KCNQ5: variants seen among roughly 807,000 people sequenced by gnomAD.
KCNQ5 encodes potassium voltage-gated channel subfamily Q member 5.
Under a neutral mutation model 98.2 loss-of-function variants are expected in KCNQ5, and 30 were observed. The ratio of observed to expected loss-of-function variants is 0.31; its 90% confidence interval spans 0.23 to 0.41. KCNQ5 has a LOEUF of 0.41. Ranked by LOEUF, KCNQ5 falls within the 10% of genes least tolerant of loss-of-function variation. The pLI is 1.00. For missense variants in KCNQ5, 835 were observed against 1,182.5 expected (o/e 0.71, Z 4.31); for synonymous variants, 458 against 449.4 (o/e 1.02, Z -0.24).
chr6:72,758,829 G>C (rs1339112985), intron 1 of KCNQ5, among the ~76,000 whole-genome samples: 2 of 152,108 alleles, frequency 1.3e-5, no homozygotes, highest in Non-Finnish European at 2.9e-5. Flanking sequence ...TTATGTGTCT[G>C]TAAGAAAGAG....
intron 1 of KCNQ5, among the ~76,000 whole-genome samples, chr6:72,782,123 T>C (rs1051360229): frequency 1.3e-5 from 2 of 152,208 alleles, no homozygotes; most frequent in African/African-American, 4.8e-5. Context: ...TCACAAATGC[T>C]CCTGGGATTG....
At chr6:72,702,749 T>C (rs114011632) in intron 1 of KCNQ5, among the ~76,000 whole-genome samples, 1,755 of 152,284 alleles carry the variant, frequency 0.012, 24 homozygotes, top group African/African-American at 0.036. Flanking sequence ...TTGCAATTGA[T>C]TTAAAAAAAT....
intron 1 of KCNQ5, among the ~76,000 whole-genome samples, chr6:72,955,259 A>G (rs868641397): frequency 2.6e-5 from 4 of 152,316 alleles, no homozygotes; most frequent in African/African-American, 9.6e-5. Context: ...AATAACCATG[A>G]AATTTAAATT....
At chr6:73,187,757 G>A (rs1279260653) in intron 11 of KCNQ5, among the ~76,000 whole-genome samples, 1 of 152,174 alleles carries the variant, frequency 6.6e-6, no homozygotes, top group Non-Finnish European at 1.5e-5. Flanking sequence ...AATTATGTAA[G>A]TAAAAATGAA....
chr6:73,036,353 T>C (rs1337688078), intron 2 of KCNQ5, among the ~76,000 whole-genome samples: 2 of 128,326 alleles, frequency 1.6e-5, no homozygotes, highest in African/African-American at 6.3e-5. Context: ...ACCACTGCAC[T>C]CCATTCTGGG....
chr6:72,861,866 A>G (rs1777777686), intron 1 of KCNQ5, among the ~76,000 whole-genome samples: 1 of 150,834 alleles, frequency 6.6e-6, no homozygotes, highest in Non-Finnish European at 1.5e-5. Context: ...GCTGTCAAGT[A>G]TAAAAACTCC....
At chr6:72,793,244 T>G (rs1215497610) in intron 1 of KCNQ5, among the ~76,000 whole-genome samples, 52 of 152,244 alleles carry the variant, frequency 3.4e-4, no homozygotes, top group Non-Finnish European at 2.8e-4. Context: ...TTTGCAGAAA[T>G]GCAGCTACCA....
chr6:72,627,081 C>G (rs1177301660), intron 1 of KCNQ5, among the ~76,000 whole-genome samples: 1 of 152,156 alleles, frequency 6.6e-6, no homozygotes, highest in Non-Finnish European at 1.5e-5. Flanking sequence ...AAGGCACAGT[C>G]TATTTCCAAC....
chr6:73,037,577 T>C, intron 2 of KCNQ5, among the ~76,000 whole-genome samples: 1 of 152,180 alleles, frequency 6.6e-6, no homozygotes, highest in Non-Finnish European at 1.5e-5. Context: ...TTTTTGCCTA[T>C]AGATGTCCAA....
chr6:72,689,968 A>G (rs1247188748), intron 1 of KCNQ5, among the ~76,000 whole-genome samples: 1 of 152,132 alleles, frequency 6.6e-6, no homozygotes, highest in African/African-American at 2.4e-5. Flanking sequence ...ATTTAGCTAG[A>G]GTGGCTTACA....
intron 1 of KCNQ5, among the ~76,000 whole-genome samples, chr6:72,974,714 C>G (rs1207873383): frequency 6.6e-6 from 1 of 151,932 alleles, no homozygotes; most frequent in East Asian, 1.9e-4. Flanking sequence ...AAAATTTAGG[C>G]CAAACTATCT....
intron 10 of KCNQ5, among the ~76,000 whole-genome samples, chr6:73,159,482 T>A (rs1777525244): frequency 6.6e-6 from 1 of 152,142 alleles, no homozygotes. Flanking sequence ...AACTTAAAAG[T>A]TTAAAAATCA....
chr6:72,949,565 T>C (rs899522853), intron 1 of KCNQ5, among the ~76,000 whole-genome samples: 6 of 152,210 alleles, frequency 3.9e-5, no homozygotes, highest in Non-Finnish European at 8.8e-5. Flanking sequence ...TAGAGAAAAT[T>C]TTTAACTACG....
At chr6:72,970,523 G>C (rs1028767477) in intron 1 of KCNQ5, among the ~76,000 whole-genome samples, 8 of 152,132 alleles carry the variant, frequency 5.3e-5, no homozygotes, top group Non-Finnish European at 1.0e-4. Flanking sequence ...ATTACCAGTT[G>C]AGAAGAATTT....
At chr6:72,733,939 C>G (rs1770687951) in intron 1 of KCNQ5, among the ~76,000 whole-genome samples, 1 of 152,146 alleles carries the variant, frequency 6.6e-6, no homozygotes, top group Non-Finnish European at 1.5e-5. Flanking sequence ...TATAAGGTAG[C>G]TGAGAACAGT....
intron 1 of KCNQ5, among the ~76,000 whole-genome samples, chr6:72,669,299 A>G (rs1045275632): frequency 6.6e-6 from 1 of 152,186 alleles, no homozygotes; most frequent in Non-Finnish European, 1.5e-5. Flanking sequence ...CACAAAAGGG[A>G]AAAATCGGAA....
In KCNQ5 at chr6:72,857,789, C is replaced by G. The variant is rs142602547; in HGVS notation, c.399-146119C>G. On this transcript the variant is annotated intron_variant, in intron 1 of 13. Coordinates refer to ENST00000370398, the MANE Select transcript of KCNQ5 (RefSeq NM_019842.4). ...ATTTACTGATAGCTCAATACGTATG[C>G]AAGAGAGGAGACACAAGTGCATGGC... Among the ~76,000 whole-genome samples the G allele has an allele frequency of 3.9e-5, 6 of 152,254 alleles. No homozygotes were observed. The East Asian group carries it at 1.2e-3, about 29-fold the overall frequency.
At chr6:73,074,235 A>G (rs963042953) in intron 3 of KCNQ5, among the ~76,000 whole-genome samples, 17 of 152,234 alleles carry the variant, frequency 1.1e-4, no homozygotes, top group Non-Finnish European at 5.9e-5. Flanking sequence ...ATACATAAAT[A>G]GAAGTAAAAA....
At chr6:72,905,288 T>G (rs1166185221) in intron 1 of KCNQ5, among the ~76,000 whole-genome samples, 2 of 152,144 alleles carry the variant, frequency 1.3e-5, no homozygotes, top group Non-Finnish European at 2.9e-5. Context: ...CTCATATCAT[T>G]TGTTGGATTT....
Sources: gnomAD v4.1 joint callset for allele counts (sites outside exome capture counted in the v4.1 genomes callset) on GRCh38, gnomAD v4.1.1 for gene constraint, MANE v1.5 for transcripts, NCBI Gene and HGNC (gene_info 2026-07-23, HGNC 2026-07-21) for gene names.